The following SNTG1 variants were observed in gnomAD, a reference collection of about 807,000 sequenced individuals.
The protein encoded by SNTG1 is syntrophin gamma 1.
A neutral mutation model predicts 74.7 loss-of-function variants in SNTG1; 39 were observed. The observed-to-expected ratio is 0.52, with a 90% CI of 0.40 to 0.68. The LOEUF is 0.68. Ranked by LOEUF, SNTG1 falls within the 30% of genes least tolerant of loss-of-function variation. SNTG1 has a pLI of 0.00. For missense variants in SNTG1, 685 were observed against 609.5 expected, an observed-to-expected ratio of 1.12 and a Z score of -1.30; for synonymous variants, 254 against 217.1, an observed-to-expected ratio of 1.17 and a Z score of -1.49.
At chr8:50,513,877 C>T (rs935618018) in intron 9 of SNTG1, among the ~76,000 whole-genome samples, 1 of 152,204 alleles carries the variant, frequency 6.6e-6, no homozygotes, top group Non-Finnish European at 1.5e-5. Context: ...TGAGGCAATG[C>T]CTCGCCCTGC....
At chr8:50,555,926 C>T (rs978621251) in intron 12 of SNTG1, among the ~76,000 whole-genome samples, 3 of 152,012 alleles carry the variant, frequency 2.0e-5, no homozygotes, top group African/African-American at 7.2e-5. Flanking sequence ...GAAAAACAAC[C>T]TGTGTTAGAA....
At chr8:50,777,560 A>G (rs1321917648) in intron 18 of SNTG1, among the ~76,000 whole-genome samples, 2 of 151,640 alleles carry the variant, frequency 1.3e-5, no homozygotes, top group Admixed American at 1.3e-4. Flanking sequence ...TGCTTATTGG[A>G]ACAATTTTGT....
At position 50,156,653 on chromosome 8, in the gene SNTG1, T is replaced by G. The variant is rs4873125; in HGVS notation, c.-102-15908T>G. 6.2e-3 allele frequency among the ~76,000 whole-genome samples: 946 copies of G among 152,052 alleles called. 48 individuals are homozygous for G. The highest frequency in any genetic ancestry group is 0.058 in the Admixed American group (880 of 15,258). On this transcript the variant is annotated intron_variant, in intron 1 of 18. Coordinates refer to ENST00000642720, the MANE Select transcript of SNTG1 (RefSeq NM_018967.5). ...GCCCATGGACAAAATGTATCAAGAA[T>G]AATAAAAATCATTGCTAAAAAGACA...
intron 13 of SNTG1, among the ~76,000 whole-genome samples, chr8:50,605,133 T>C (rs1386217126): frequency 1.3e-5 from 2 of 152,190 alleles, no homozygotes; most frequent in Non-Finnish European, 2.9e-5. Flanking sequence ...CAAAGTCCTG[T>C]TTACTCTTCC....
At chr8:50,270,257 T>C (rs1057346542) in intron 2 of SNTG1, among the ~76,000 whole-genome samples, 5 of 152,280 alleles carry the variant, frequency 3.3e-5, no homozygotes, top group Admixed American at 6.5e-5. Context: ...TGACAGACGC[T>C]ATTAAAAGTG....
intron 17 of SNTG1, among the ~76,000 whole-genome samples, chr8:50,735,527 T>C (rs1255496368): frequency 6.6e-6 from 1 of 151,572 alleles, no homozygotes; most frequent in African/African-American, 2.4e-5. Context: ...GTATCAGAGA[T>C]TGAAGATCAA....
At chr8:50,402,148 A>G in intron 3 of SNTG1, 62 bp from the exon 4 acceptor site, 1 of 1,533,720 alleles carries the variant, frequency 6.5e-7, no homozygotes, top group Non-Finnish European at 8.7e-7. Context: ...ACTGGCCACA[A>G]AATTACAACC....
intron 15 of SNTG1, among the ~76,000 whole-genome samples, chr8:50,665,845 G>A (rs2095248371): frequency 6.6e-6 from 1 of 152,004 alleles, no homozygotes; most frequent in Non-Finnish European, 1.5e-5. Flanking sequence ...AATGTGACAA[G>A]GGACAAAGAA....
intron 2 of SNTG1, among the ~76,000 whole-genome samples, chr8:50,209,082 C>G (rs2084385383): frequency 6.6e-6 from 1 of 152,216 alleles, no homozygotes; most frequent in Non-Finnish European, 1.5e-5. Context: ...ATATCCTGCA[C>G]ATGGCTTGGA....
intron 2 of SNTG1, among the ~76,000 whole-genome samples, chr8:50,311,412 C>T (rs2090107238): frequency 6.6e-6 from 1 of 152,184 alleles, no homozygotes; most frequent in Non-Finnish European, 1.5e-5. Flanking sequence ...CTTTTATAAT[C>T]ATGTTTTGAT....
At position 50,101,250 on chromosome 8, in the gene SNTG1, G is replaced by A. The variant is rs538216979; in HGVS notation, c.-102-71311G>A. Among the ~76,000 whole-genome samples, 31 of 152,100 alleles carry A rather than the reference G, an allele frequency of 2.0e-4. 1 individual carries two copies. The highest frequency in any genetic ancestry group is 4.1e-4 in the South Asian group (2 of 4,832). On this transcript the variant is annotated intron_variant, in intron 1 of 18. Transcript: ENST00000642720. ...AGGGCTGCAATGAACATACACATGCGTCTGTTTTTATGGTAGAAAATTAAT... is the reference window on the plus strand; with the variant it reads ...AGGGCTGCAATGAACATACACATGCATCTGTTTTTATGGTAGAAAATTAAT...
At chr8:50,614,711 G>A (rs1160111967) in intron 13 of SNTG1, among the ~76,000 whole-genome samples, 2 of 151,994 alleles carry the variant, frequency 1.3e-5, no homozygotes, top group African/African-American at 4.8e-5. Context: ...TGCTTTATAT[G>A]TATTTGTGTC....
chr8:50,180,829 C>T (rs1586608195), intron 2 of SNTG1, among the ~76,000 whole-genome samples: 1 of 140,878 alleles, frequency 7.1e-6, no homozygotes, highest in Non-Finnish European at 1.5e-5. Context: ...GGCACAAGCT[C>T]GGCTCACTGC....
At chr8:50,008,980 C>T (rs1815509728) in intron 1 of SNTG1, among the ~76,000 whole-genome samples, 1 of 152,110 alleles carries the variant, frequency 6.6e-6, no homozygotes, top group Non-Finnish European at 1.5e-5. Context: ...ATTCTTCAAT[C>T]CCACAGTTTG....
chr8:50,698,609 C>T (rs73676397), intron 15 of SNTG1, among the ~76,000 whole-genome samples: 3,290 of 152,196 alleles, frequency 0.022, 102 homozygotes, highest in African/African-American at 0.071. Context: ...CCCCAGGATA[C>T]TGTTAGAGCC....
chr8:50,717,576 A>G (rs2095477999), intron 17 of SNTG1, among the ~76,000 whole-genome samples: 1 of 152,220 alleles, frequency 6.6e-6, no homozygotes, highest in African/African-American at 2.4e-5. Flanking sequence ...TCTCAACCAC[A>G]ACATATCCTT....
At chr8:50,196,545 GT>G (rs2083776022) in intron 2 of SNTG1, among the ~76,000 whole-genome samples, 1 of 152,044 alleles carries the variant, frequency 6.6e-6, no homozygotes, top group African/African-American at 2.4e-5. Context: ...TCAAAGCATT[GT>G]CTGCTTTCTT....
intron 2 of SNTG1, among the ~76,000 whole-genome samples, chr8:50,386,192 A>G (rs1185577263): frequency 6.6e-6 from 1 of 152,110 alleles, no homozygotes; most frequent in Non-Finnish European, 1.5e-5. Flanking sequence ...GGAAAAACAT[A>G]CAATGTGTTC....
At chr8:50,358,863 A>G (rs2091887237) in intron 2 of SNTG1, among the ~76,000 whole-genome samples, 1 of 152,156 alleles carries the variant, frequency 6.6e-6, no homozygotes, top group South Asian at 2.1e-4. Context: ...TGACAATAAA[A>G]CACTTTCATA....
Sources: allele counts gnomAD v4.1 joint callset (sites outside exome capture counted in the v4.1 genomes callset), GRCh38; gene constraint gnomAD v4.1.1; transcripts MANE v1.5; gene names NCBI Gene and HGNC (gene_info 2026-07-23, HGNC 2026-07-21).